AFF3: variants seen among roughly 807,000 people sequenced by gnomAD.
AFF3 encodes AF4/FMR2 family member 3.
Under a neutral mutation model 129.7 loss-of-function variants are expected in AFF3, and 32 were observed. The ratio of observed to expected loss-of-function variants is 0.25; its 90% CI spans 0.19 to 0.33. The LOEUF (loss-of-function observed/expected upper bound fraction) is 0.33. Ranked by LOEUF, AFF3 falls within the 10% of genes least tolerant of loss-of-function variation. The pLI is 1.00. For synonymous variants in AFF3, 644 were observed against 635.4 expected, an observed-to-expected ratio of 1.01 and a Z score of -0.20; for missense variants, 1,373 against 1,592.0, an observed-to-expected ratio of 0.86 and a Z score of 2.34.
chr2:100,056,143 T>C (rs1174759311), intron 4 of AFF3, among the ~76,000 whole-genome samples: 1 of 151,040 alleles, frequency 6.6e-6, no homozygotes, highest in East Asian at 1.9e-4. Flanking sequence ...TCAAACTGTA[T>C]TATCACGCTA....
Position 100,141,890 on chromosome 2 carries a change from A to G in AFF3, c.-228+594T>C, listed in dbSNP as rs543541895. Among the ~76,000 whole-genome samples, 142 of 152,202 alleles carry G rather than the reference A, an allele frequency of 9.3e-4. 1 individual carries two copies. Among genetic ancestry groups the G allele is most frequent in the Admixed American group, 4.9e-3 (75 of 15,298 alleles). ...CAGACACACACACACAAATACACAC[A>G]TATACAATGTTCCATCCAAGAAATA... On this transcript the variant is annotated intron_variant, in intron 1 of 24. Transcript: ENST00000672756.
chr2:100,041,703 A>G (rs1685445109), intron 4 of AFF3, among the ~76,000 whole-genome samples: 2 of 152,240 alleles, frequency 1.3e-5, no homozygotes, highest in African/African-American at 4.8e-5. Context: ...CACATAGATA[A>G]AACTGCATGT....
chr2:99,651,049 T>G (rs897727160), intron 12 of AFF3, among the ~76,000 whole-genome samples: 1 of 151,652 alleles, frequency 6.6e-6, no homozygotes, highest in African/African-American at 2.4e-5. Flanking sequence ...GGCACATGTC[T>G]GTAATTCCAG....
chr2:100,060,802 C>T (rs1371385393), intron 4 of AFF3, among the ~76,000 whole-genome samples: 2 of 152,094 alleles, frequency 1.3e-5, no homozygotes, highest in African/African-American at 4.8e-5. Flanking sequence ...ATTGACTACA[C>T]GCTACACTTT....
intron 4 of AFF3, among the ~76,000 whole-genome samples, chr2:100,084,221 G>GAA (rs1689253378): frequency 6.6e-6 from 1 of 152,230 alleles, no homozygotes; most frequent in Non-Finnish European, 1.5e-5. Flanking sequence ...CATGCTATGT[G>GAA]TCAGGTCATA....
At chr2:99,615,727 G>T (rs549066537) in intron 13 of AFF3, among the ~76,000 whole-genome samples, 274 of 152,378 alleles carry the variant, frequency 1.8e-3, no homozygotes, top group African/African-American at 6.1e-3. Flanking sequence ...CGGGTGGGAT[G>T]GCCGTGCCAG....
At chr2:100,081,509 C>T (rs1011256000) in intron 4 of AFF3, among the ~76,000 whole-genome samples, 2 of 152,110 alleles carry the variant, frequency 1.3e-5, no homozygotes, top group African/African-American at 2.4e-5. Context: ...TGAGCCTCCA[C>T]CCTGCATCCG....
At chr2:99,679,308 C>T (rs1416381587) in intron 11 of AFF3, among the ~76,000 whole-genome samples, 4 of 152,156 alleles carry the variant, frequency 2.6e-5, no homozygotes, top group African/African-American at 9.7e-5. Flanking sequence ...CCATGTTGAA[C>T]CTGGGGTGAA....
At chr2:100,051,633 T>C (rs1184601161) in intron 4 of AFF3, among the ~76,000 whole-genome samples, 3 of 152,168 alleles carry the variant, frequency 2.0e-5, no homozygotes, top group Non-Finnish European at 2.9e-5. Context: ...TATCTACTGT[T>C]AATATAGAGT....
intron 4 of AFF3, among the ~76,000 whole-genome samples, chr2:100,017,911 T>C (rs569155694): frequency 2.0e-5 from 3 of 152,262 alleles, no homozygotes; most frequent in African/African-American, 7.2e-5. Context: ...AAATGGTACC[T>C]TCATCCTTTG....
intron 8 of AFF3, among the ~76,000 whole-genome samples, chr2:99,806,056 T>C (rs1037780571): frequency 3.3e-5 from 5 of 150,862 alleles, no homozygotes; most frequent in South Asian, 4.2e-4. Context: ...ACAGAGATGA[T>C]AGAAAAAAAA....
At chr2:100,106,035 C>G (rs921483631) in intron 2 of AFF3, 2 of 1,318,780 alleles carry the variant, frequency 1.5e-6, no homozygotes, top group Admixed American at 4.6e-5. Flanking sequence ...TCTCACCTCA[C>G]CCACCTCCGA....
At chr2:100,116,667 T>C (rs1446026695) in intron 2 of AFF3, among the ~76,000 whole-genome samples, 1 of 152,190 alleles carries the variant, frequency 6.6e-6, no homozygotes, top group Non-Finnish European at 1.5e-5. Flanking sequence ...TGTGTATCAT[T>C]GTTGTCATGT....
intron 8 of AFF3, among the ~76,000 whole-genome samples, chr2:99,814,705 G>T (rs967002231): frequency 6.6e-6 from 1 of 152,240 alleles, no homozygotes; most frequent in East Asian, 1.9e-4. Flanking sequence ...AAAAGAAGGA[G>T]AAATACAAGG....
At chr2:99,745,188 C>G (rs1241085364) in intron 9 of AFF3, among the ~76,000 whole-genome samples, 1 of 152,122 alleles carries the variant, frequency 6.6e-6, no homozygotes, top group African/African-American at 2.4e-5. Context: ...GGAGAAATAT[C>G]TATTCAAGTC....
intron 7 of AFF3, among the ~76,000 whole-genome samples, chr2:99,993,583 C>T (rs1029571834): frequency 2.0e-5 from 3 of 150,704 alleles, no homozygotes; most frequent in Admixed American, 6.6e-5. Flanking sequence ...TATACAAAAA[C>T]GAGAGAGAGT....
At chr2:100,040,548 A>C (rs1007911654) in intron 4 of AFF3, among the ~76,000 whole-genome samples, 2 of 152,180 alleles carry the variant, frequency 1.3e-5, no homozygotes, top group Non-Finnish European at 2.9e-5. Flanking sequence ...TGGTTTTATC[A>C]GTTACATCAG....
rs1575573918 is a variant in AFF3 at position 99,639,576 on chromosome 2, A to G, written c.1184+10050T>C. On this transcript the variant is annotated intron_variant, in intron 13 of 24. Transcript: ENST00000672756. ...AACATTACTGTTTGCTTTTGAAATA[A>G]TAAGTATTATTTACTTTGAAATTAT... Among the ~76,000 whole-genome samples, 3 of 152,234 alleles carry G rather than the reference A, an allele frequency of 2.0e-5. No individual in the cohort carries two copies. The East Asian group carries it at 5.8e-4, about 29-fold the overall frequency.
rs533435237 is a variant in AFF3 at position 99,790,220 on chromosome 2, G to A, written c.922-37919C>T. 2.0e-5 allele frequency among the ~76,000 whole-genome samples: 3 copies of A among 152,356 alleles called. No individual in the cohort carries two copies. The East Asian group carries it at 5.8e-4, about 29-fold the overall frequency. ...ACAGTAACAGCAGAGTCTTGAACTGGCTGAAAAGCCCATACAGTAAGTGCT... is the reference window on the plus strand; with the variant it reads ...ACAGTAACAGCAGAGTCTTGAACTGACTGAAAAGCCCATACAGTAAGTGCT... On this transcript the variant is annotated intron_variant, in intron 8 of 24. Transcript: ENST00000672756.
Sources: allele counts gnomAD v4.1 joint callset (sites outside exome capture counted in the v4.1 genomes callset), GRCh38; gene constraint gnomAD v4.1.1; transcripts MANE v1.5; gene names NCBI Gene and HGNC (gene_info 2026-07-23, HGNC 2026-07-21).